SPOCK3: variants seen among roughly 807,000 people sequenced by gnomAD.
SPOCK3 encodes the protein testican-3.
SPOCK3 carries 30 observed loss-of-function variants against 56.6 expected under a neutral mutation model. The ratio of observed to expected loss-of-function variants is 0.53; its 90% CI spans 0.40 to 0.72. The LOEUF (loss-of-function observed/expected upper bound fraction) is 0.72. SPOCK3 is among the 30% of genes least tolerant of loss of function. The pLI is 0.00. For synonymous variants in SPOCK3, 196 were observed against 183.3 expected, an observed-to-expected ratio of 1.07 and a Z score of -0.56; for missense variants, 527 against 530.0, an observed-to-expected ratio of 0.99 and a Z score of 0.06.
chr4:166,775,450 C>T (rs572027187), intron 7 of SPOCK3, among the ~76,000 whole-genome samples: 2 of 152,146 alleles, frequency 1.3e-5, no homozygotes, highest in South Asian at 4.1e-4. Context: ...GGGTATCTGG[C>T]TTTGGGTATG....
chr4:166,960,650 A>C, intron 4 of SPOCK3, among the ~76,000 whole-genome samples: 1 of 152,188 alleles, frequency 6.6e-6, no homozygotes, highest in Non-Finnish European at 1.5e-5. Context: ...CACCCAGTTT[A>C]GTGAGATAAG....
At chr4:167,142,996 T>C in intron 2 of SPOCK3, among the ~76,000 whole-genome samples, 1 of 151,922 alleles carries the variant, frequency 6.6e-6, no homozygotes, top group East Asian at 1.9e-4. Context: ...AACTTTCCCA[T>C]GTATTTAGAA....
chr4:167,024,887 TA>T (rs1288092789), intron 3 of SPOCK3, among the ~76,000 whole-genome samples: 1 of 152,068 alleles, frequency 6.6e-6, no homozygotes, highest in Admixed American at 6.6e-5. Flanking sequence ...AAGAGTCCTT[TA>T]AAAAATATTG....
At chr4:167,139,621 G>A (rs1763375122) in intron 2 of SPOCK3, among the ~76,000 whole-genome samples, 1 of 151,922 alleles carries the variant, frequency 6.6e-6, no homozygotes, top group Non-Finnish European at 1.5e-5. Context: ...GTGGCTATGA[G>A]AATTTTCCAA....
intron 6 of SPOCK3, among the ~76,000 whole-genome samples, chr4:166,825,192 A>C (rs1025855549): frequency 6.6e-6 from 1 of 152,130 alleles, no homozygotes; most frequent in African/African-American, 2.4e-5. Context: ...CTACGTCTCA[A>C]GTAACATTAG....
At chr4:167,203,498 C>T (rs1156554864) in intron 2 of SPOCK3, among the ~76,000 whole-genome samples, 1 of 150,964 alleles carries the variant, frequency 6.6e-6, no homozygotes, top group Non-Finnish European at 1.5e-5. Context: ...CAATATTTGT[C>T]ACTGAAACCT....
In SPOCK3 at chr4:166,750,856, T is replaced by C. The variant is rs929474274; in HGVS notation, c.931+3652A>G. Among the ~76,000 whole-genome samples, 10 of 152,314 alleles carry C rather than the reference T, an allele frequency of 6.6e-5. No homozygotes were observed. In the East Asian group the frequency reaches 1.3e-3, roughly 21 times the overall value. ...TTTCTAAGAAATACTTGTTTTTAGC[T>C]GTCAAATATATATGGATAATATAGA... On this transcript the variant is annotated intron_variant, in intron 8 of 10. Transcript: ENST00000357545.
rs938073458 is a variant in SPOCK3, at chr4:167,192,593, C to G, written c.189+41392G>C. ...CTTTACCATTATTTTCTGTTGCCTCCCTAGTTTGTGTCTCATTTATTTCTG... is the reference window on the plus strand; with the variant it reads ...CTTTACCATTATTTTCTGTTGCCTCGCTAGTTTGTGTCTCATTTATTTCTG... On this transcript the variant is annotated intron_variant, in intron 2 of 10. Coordinates refer to ENST00000357545, the MANE Select transcript of SPOCK3 (RefSeq NM_001040159.2). Among the ~76,000 whole-genome samples the G allele has an allele frequency of 2.2e-4, 32 of 145,528 alleles. 3 individuals carry two copies. Among genetic ancestry groups the G allele is most frequent in the African/African-American group, 7.6e-4 (29 of 38,202 alleles).
chr4:167,086,976 G>T (rs146010689), intron 2 of SPOCK3, among the ~76,000 whole-genome samples: 1 of 151,988 alleles, frequency 6.6e-6, no homozygotes, highest in Non-Finnish European at 1.5e-5. Context: ...TGAGTAGACC[G>T]CCCAGATAGC....
chr4:166,802,461 G>A (rs1225082146), intron 6 of SPOCK3, among the ~76,000 whole-genome samples: 1 of 152,170 alleles, frequency 6.6e-6, no homozygotes. Flanking sequence ...GGCAGATTTA[G>A]CAGGTTCAGT....
chr4:167,157,418 A>G (rs1764906756), intron 2 of SPOCK3, among the ~76,000 whole-genome samples: 1 of 151,982 alleles, frequency 6.6e-6, no homozygotes, highest in Admixed American at 6.6e-5. Context: ...ACTTGCATAA[A>G]ACTATTAGAA....
Position 167,218,756 on chromosome 4 carries a change from G to A in SPOCK3, c.189+15229C>T, listed in dbSNP as rs528900901. Among the ~76,000 whole-genome samples, 380 of 151,948 alleles carry A rather than the reference G, an allele frequency of 2.5e-3. 1 individual carries two copies. Among genetic ancestry groups the A allele is most frequent in the Non-Finnish European group, 3.6e-3 (247 of 67,928 alleles). ...TTTTTATCTAGAAAAATATGTAAAC[G>A]AAAGACAAAAAAACTTTAAATTCTG... On this transcript the variant is annotated intron_variant, in intron 2 of 10. Coordinates refer to ENST00000357545, the MANE Select transcript of SPOCK3 (RefSeq NM_001040159.2).
chr4:166,738,576 G>A (rs1445626664), intron 9 of SPOCK3, among the ~76,000 whole-genome samples: 3 of 147,574 alleles, frequency 2.0e-5, no homozygotes, highest in Admixed American at 1.4e-4. Context: ...CCATTAACTC[G>A]TCACTTAGCA....
At chr4:166,905,210 T>C (rs1736485760) in intron 5 of SPOCK3, among the ~76,000 whole-genome samples, 1 of 152,124 alleles carries the variant, frequency 6.6e-6, no homozygotes, top group Admixed American at 6.6e-5. Context: ...CCACAACTAG[T>C]ATATGCCTAG....
At chr4:166,878,503 A>G (rs1179414948) in intron 6 of SPOCK3, among the ~76,000 whole-genome samples, 13 of 151,658 alleles carry the variant, frequency 8.6e-5, no homozygotes, top group Non-Finnish European at 1.8e-4. Flanking sequence ...TTTTATATGT[A>G]TATTTTAAAT....
At chr4:167,058,710 T>A (rs997972198) in intron 3 of SPOCK3, among the ~76,000 whole-genome samples, 1 of 151,926 alleles carries the variant, frequency 6.6e-6, no homozygotes, top group African/African-American at 2.4e-5. Flanking sequence ...CTAAGCCAAA[T>A]GAACAAAGCT....
intron 6 of SPOCK3, among the ~76,000 whole-genome samples, chr4:166,803,397 G>A (rs1170838839): frequency 6.6e-6 from 1 of 152,090 alleles, no homozygotes; most frequent in Non-Finnish European, 1.5e-5. Context: ...ATGAGTCTCC[G>A]AGCAGGCATT....
chr4:166,967,549 A>AG (rs1256361243), intron 4 of SPOCK3, among the ~76,000 whole-genome samples: 1 of 152,180 alleles, frequency 6.6e-6, no homozygotes, highest in Non-Finnish European at 1.5e-5. Flanking sequence ...TTCTGCCACC[A>AG]TGTGAAGACA....
chr4:167,097,508 G>A (rs1309314453), intron 2 of SPOCK3, among the ~76,000 whole-genome samples: 1 of 151,666 alleles, frequency 6.6e-6, no homozygotes, highest in Non-Finnish European at 1.5e-5. Flanking sequence ...GGTAAGATGT[G>A]TGGAGTAGAA....
Sources: gnomAD v4.1 joint callset for allele counts (sites outside exome capture counted in the v4.1 genomes callset) on GRCh38, gnomAD v4.1.1 for gene constraint, MANE v1.5 for transcripts, NCBI Gene and HGNC (gene_info 2026-07-23, HGNC 2026-07-21) for gene names.